The following SDK1 variants were observed in gnomAD, a reference collection of about 807,000 sequenced individuals.
SDK1 encodes the protein sidekick cell adhesion molecule 1.
A neutral mutation model predicts 245.5 loss-of-function variants in SDK1; 157 were observed. That is an observed-to-expected ratio of 0.64 (90% CI 0.56 to 0.73). The LOEUF is 0.73. Among genes scored for constraint, SDK1 ranks in the 30% least tolerant of loss-of-function variants. The probability of loss-of-function intolerance (pLI) is 0.00; values close to 1 mark genes in which losing one functional copy is unlikely to be tolerated. For synonymous variants in SDK1, 1,647 were observed against 1,278.5 expected (o/e 1.29, Z -6.15); for missense variants, 3,583 against 3,002.3 (o/e 1.19, Z -4.52).
intron 1 of SDK1, among the ~76,000 whole-genome samples, chr7:3,347,732 G>C (rs1780546784): frequency 6.6e-6 from 1 of 151,930 alleles, no homozygotes; most frequent in Non-Finnish European, 1.5e-5. Context: ...GAACCTTCTG[G>C]GTACCATTTT....
intron 4 of SDK1, among the ~76,000 whole-genome samples, chr7:3,803,388 G>A (rs1456422851): frequency 6.7e-6 from 1 of 149,176 alleles, no homozygotes; most frequent in African/African-American, 2.5e-5. Flanking sequence ...TTGGCTCACT[G>A]CAACCTCCAC....
chr7:4,001,325 AC>A (rs1785057051), intron 14 of SDK1, among the ~76,000 whole-genome samples: 1 of 152,118 alleles, frequency 6.6e-6, no homozygotes, highest in Admixed American at 6.5e-5. Context: ...ATATCCAGTC[AC>A]CATTTCCAAC....
chr7:4,100,906 C>T (rs558371806), intron 22 of SDK1, among the ~76,000 whole-genome samples: 1 of 152,172 alleles, frequency 6.6e-6, no homozygotes, highest in Admixed American at 6.5e-5. Flanking sequence ...TCATCTGCCC[C>T]TCCTTCCCTG....
chr7:4,014,885 A>G (rs1039176183), intron 16 of SDK1, among the ~76,000 whole-genome samples: 1 of 152,174 alleles, frequency 6.6e-6, no homozygotes, highest in African/African-American at 2.4e-5. Context: ...ACTGGTCAGA[A>G]TGGGCCAACG....
At chr7:3,437,643 T>A (rs1214013655) in intron 1 of SDK1, among the ~76,000 whole-genome samples, 4 of 152,118 alleles carry the variant, frequency 2.6e-5, no homozygotes, top group Admixed American at 2.0e-4. Flanking sequence ...GGTGCGCGCC[T>A]GTAGTCCCAC....
chr7:3,883,995 T>C (rs969050599), intron 5 of SDK1, among the ~76,000 whole-genome samples: 4 of 152,172 alleles, frequency 2.6e-5, no homozygotes, highest in African/African-American at 9.6e-5. Flanking sequence ...TCCAACCCCC[T>C]TAGGAAGATA....
intron 40 of SDK1, among the ~76,000 whole-genome samples, chr7:4,226,959 A>C (rs1785483590): frequency 6.6e-6 from 1 of 151,042 alleles, no homozygotes; most frequent in South Asian, 2.1e-4. Flanking sequence ...TTCTTAAATA[A>C]TGTGTGTAGC....
chr7:3,427,284 C>A lies in SDK1; in HGVS notation c.298+125400C>A, dbSNP rs147870652. 4.6e-3 allele frequency among the ~76,000 whole-genome samples: 701 copies of A among 152,186 alleles called. 11 individuals carry two copies. Among genetic ancestry groups the A allele is most frequent in the African/African-American group, 0.016 (662 of 41,522 alleles). On this transcript the variant is annotated intron_variant, in intron 1 of 44. Coordinates refer to ENST00000404826, the MANE Select transcript of SDK1 (RefSeq NM_152744.4). ...CCTGTAATCCCACACTTTGGGAGGC[C>A]GAGACAGACGGATTGCCTGAGGTCA...
chr7:3,517,839 A>G (rs1353307286), intron 1 of SDK1, among the ~76,000 whole-genome samples: 5 of 152,204 alleles, frequency 3.3e-5, no homozygotes, highest in South Asian at 2.1e-4. Flanking sequence ...ACCTCACACT[A>G]TAGTTAAAAT....
chr7:3,453,558 G>C (rs989239380), intron 1 of SDK1, among the ~76,000 whole-genome samples: 1 of 152,194 alleles, frequency 6.6e-6, no homozygotes, highest in African/African-American at 2.4e-5. Context: ...TGTGACTGCA[G>C]GCAGAGATTG....
chr7:4,046,419 G>C (rs1290263240), intron 17 of SDK1, among the ~76,000 whole-genome samples: 2 of 151,884 alleles, frequency 1.3e-5, no homozygotes, highest in Non-Finnish European at 2.9e-5. Flanking sequence ...TTTTTTCCTA[G>C]AAGTATTAAT....
chr7:3,649,773 C>T (rs117392572), intron 4 of SDK1, among the ~76,000 whole-genome samples: 261 of 152,190 alleles, frequency 1.7e-3, no homozygotes, highest in South Asian at 3.3e-3. Context: ...AAGTCCACAC[C>T]GTTCCACCGT....
chr7:3,374,581 A>G (rs1781308088), intron 1 of SDK1, among the ~76,000 whole-genome samples: 1 of 152,008 alleles, frequency 6.6e-6, no homozygotes. Context: ...AACCTACACT[A>G]TATTTTTACT....
intron 2 of SDK1, among the ~76,000 whole-genome samples, 168 bp downstream of exon 2, chr7:3,619,407 C>T (rs1351761508): frequency 6.6e-6 from 1 of 152,150 alleles, no homozygotes; most frequent in African/African-American, 2.4e-5. Flanking sequence ...ATTTACTATT[C>T]TGATATAGGT....
chr7:3,668,528 C>T (rs1696039686), intron 4 of SDK1, among the ~76,000 whole-genome samples: 1 of 152,202 alleles, frequency 6.6e-6, no homozygotes, highest in Non-Finnish European at 1.5e-5. Flanking sequence ...GTGATCTCAG[C>T]ACTTTGGGAG....
intron 1 of SDK1, among the ~76,000 whole-genome samples, chr7:3,399,828 AC>A (rs1449906889): frequency 6.6e-6 from 1 of 152,092 alleles, no homozygotes; most frequent in Non-Finnish European, 1.5e-5. Context: ...AGTTCCAGAT[AC>A]CCACTGTGGA....
At chr7:3,661,888 A>G (rs4722996) in intron 4 of SDK1, among the ~76,000 whole-genome samples, 93,536 of 151,500 alleles carry the variant, frequency 0.62, 29,193 homozygotes, top group South Asian at 0.77. Context: ...AGCATGGCTG[A>G]GGGGGTTACC....
chr7:3,359,199 G>C (rs1780887536), intron 1 of SDK1, among the ~76,000 whole-genome samples: 1 of 152,090 alleles, frequency 6.6e-6, no homozygotes, highest in Non-Finnish European at 1.5e-5. Context: ...GATTGCTAGT[G>C]GTGTGTGGGC....
At chr7:3,450,340 G>T (rs1410257139) in intron 1 of SDK1, among the ~76,000 whole-genome samples, 1 of 152,176 alleles carries the variant, frequency 6.6e-6, no homozygotes. Context: ...GGACTTCTCT[G>T]GACAAATGTG....
Sources: allele counts gnomAD v4.1 joint callset (sites outside exome capture counted in the v4.1 genomes callset), GRCh38; gene constraint gnomAD v4.1.1; transcripts MANE v1.5; gene names NCBI Gene and HGNC (gene_info 2026-07-23, HGNC 2026-07-21).